Variants in HPS6 observed in about 807,000 individuals in gnomAD.
HPS6 encodes BLOC-2 complex member HPS6.
A neutral mutation model predicts 53.6 loss-of-function variants in HPS6; 46 were observed. The ratio of observed to expected loss-of-function variants is 0.86; its 90% CI spans 0.68 to 1.10. The LOEUF (loss-of-function observed/expected upper bound fraction) is 1.10, where lower values mean the gene tolerates loss of function less well. Among genes scored for constraint, HPS6 ranks in the 50% least tolerant of loss-of-function variants. The probability of loss-of-function intolerance (pLI) is 0.00; values close to 1 mark genes in which losing one functional copy is unlikely to be tolerated. For missense variants in HPS6, 1,034 were observed against 991.3 expected (o/e 1.04, Z -0.58); for synonymous variants, 535 against 470.8 (o/e 1.14, Z -1.77).
At position 102,065,558 on chromosome 10, in the gene HPS6, G is replaced by C; in HGVS notation, c.84G>C (p.Gly28=). ...CGCGGCTCCGGGAGCTGGTGGCCGG[G>C]GACTCAGCGGTCCGAGTCCGTGGCA... The part of the protein sequence containing the change: ...GAARLRELVA[G]DSAVRVRGSP... The change falls in exon 1 of 1, where the codon GGG becomes GGC. Residue 28 remains glycine, a synonymous_variant. Transcript: ENST00000299238. 2 of 1,549,586 alleles carry C rather than the reference G, an allele frequency of 1.3e-6. No individual in the cohort carries two copies. The highest frequency in any genetic ancestry group is 1.7e-6 in the Non-Finnish European group (2 of 1,159,482).
In HPS6 at chr10:102,067,970, A is replaced by C. The variant is rs985769823; in HGVS notation, c.*168A>C. ...GTCCCATGTATGGACCTGTGTATGCAATACTGTTCTGTCATCTGGAGCTAT... is the reference window on the plus strand; with the variant it reads ...GTCCCATGTATGGACCTGTGTATGCCATACTGTTCTGTCATCTGGAGCTAT... On this transcript the variant is annotated 3_prime_UTR_variant, in exon 1 of 1. Coordinates refer to ENST00000299238, the MANE Select transcript of HPS6 (RefSeq NM_024747.6). The C allele has an allele frequency of 2.7e-6, 2 of 747,214 alleles. No homozygotes were observed. Among genetic ancestry groups the C allele is most frequent in the Non-Finnish European group, 4.8e-6 (2 of 417,466 alleles). The allele number at this position is 747,214 out of a possible 1,614,324, so 46.3% of individuals were successfully genotyped here. A position where few individuals can be genotyped will look rare whatever the true frequency, so the allele number is the denominator to read the frequency against.
Position 102,065,699 on chromosome 10 carries a change from G to A in HPS6, c.225G>A (p.Gln75=). ...AELERAWPAG[Q]PSPLDAFFLP... is the part of the protein sequence containing the mutation. ...TAGAGCGGGCCTGGCCGGCCGGCCAGCCCTCCCCGCTGGACGCCTTCTTCC... is the reference window on the plus strand; with the variant it reads ...TAGAGCGGGCCTGGCCGGCCGGCCAACCCTCCCCGCTGGACGCCTTCTTCC... Residue 75 remains glutamine, a synonymous_variant, in exon 1 of 1, where the codon CAG becomes CAA. Transcript: ENST00000299238. The A allele has an allele frequency of 6.6e-7, 1 of 1,512,234 alleles. No homozygotes were observed. The highest frequency in any genetic ancestry group is 2.6e-5 in the East Asian group (1 of 37,848). 93.7% of individuals were successfully genotyped at this position (1,512,234 alleles called of 1,614,324 possible).
chr10:102,066,898 G>C lies in HPS6; in HGVS notation c.1424G>C (p.Gly475Ala). The C allele has an allele frequency of 6.2e-7, 1 of 1,614,234 alleles. No homozygotes were observed. ...LEQLKAQLVA[G>A]DDEEAGWTEL... The stretch of plus-strand genomic sequence containing the variant: ...CAGCTGAAGGCCCAGCTGGTGGCTG[G>C]GGATGATGAGGAGGCTGGTTGGACT... Residue 475 changes from glycine to alanine, a missense_variant, in exon 1 of 1, where the codon GGG (glycine) becomes GCG (alanine). Coordinates refer to ENST00000299238, the MANE Select transcript of HPS6 (RefSeq NM_024747.6).
Position 102,067,243 on chromosome 10 carries a change from A to C in HPS6, c.1769A>C (p.Gln590Pro). 9.8e-6 allele frequency: 12 copies of C among 1,220,110 alleles called. No individual in the cohort carries two copies. Among genetic ancestry groups the C allele is most frequent in the Non-Finnish European group, 1.4e-5 (12 of 854,352 alleles). The allele number at this position is 1,220,110 out of a possible 1,614,324, so 75.6% of individuals were successfully genotyped here. Residue 590 changes from glutamine (Q) to proline (P), a missense_variant, in exon 1 of 1, where the codon CAG (glutamine) becomes CCG (proline). By Grantham distance (76) the Gln-to-Pro change is moderately conservative. Coordinates refer to ENST00000299238, the MANE Select transcript of HPS6 (RefSeq NM_024747.6). ...CCCTTTGTGGAGCTGGCACAGCAGC[A>C]GGGCGGGCCGGGCTGGGGGGCAGGG... is the stretch of plus-strand genomic sequence containing the variant. ...LPPFVELAQQ[Q>P]GGPGWGAGGP...
In HPS6 at chr10:102,065,702, C is replaced by G. The variant is rs1438607024; in HGVS notation, c.228C>G (p.Pro76=). The G allele has an allele frequency of 2.6e-6, 4 of 1,511,228 alleles. No homozygotes were observed. Among genetic ancestry groups the G allele is most frequent in the Non-Finnish European group, 3.5e-6 (4 of 1,138,236 alleles). 93.6% of individuals were successfully genotyped at this position (1,511,228 alleles called of 1,614,324 possible). A position where few individuals can be genotyped will look rare whatever the true frequency, so the allele number is the denominator to read the frequency against. Residue 76 remains proline (P), a synonymous_variant, in exon 1 of 1, where the codon CCC becomes CCG. Transcript: ENST00000299238. ...ELERAWPAGQ[P]SPLDAFFLPW... is the part of the protein sequence containing the mutation. Reference sequence around the variant, plus strand: ...AGCGGGCCTGGCCGGCCGGCCAGCCCTCCCCGCTGGACGCCTTCTTCCTGC... The same window carrying G: ...AGCGGGCCTGGCCGGCCGGCCAGCCGTCCCCGCTGGACGCCTTCTTCCTGC...
chr10:102,065,486 G>A lies in HPS6; in HGVS notation c.12G>A (p.Ser4=), dbSNP rs779765822. 2 of 1,559,836 alleles carry A rather than the reference G, an allele frequency of 1.3e-6. No homozygotes were observed. The highest frequency in any genetic ancestry group is 2.4e-5 in the East Asian group (1 of 41,320). The stretch of plus-strand genomic sequence containing the variant: ...CGCGCAGCGGCGCCATGAAGCGCTC[G>A]GGGACTCTGCGGCTGCTCTCGGACC... MKR[S]GTLRLLSDLS... is the part of the protein sequence containing the mutation. Residue 4 remains serine, a synonymous_variant, in exon 1 of 1, where the codon TCG becomes TCA. Coordinates refer to ENST00000299238, the MANE Select transcript of HPS6 (RefSeq NM_024747.6).
rs1464554514 is a variant in HPS6, at chr10:102,067,827, C to T, written c.*25C>T. ...ACTACCCTTCAGGCATCAGAACACTCAGGGCCTGGAGGCTTGCTTGGGACT... is the reference window on the plus strand; with the variant it reads ...ACTACCCTTCAGGCATCAGAACACTTAGGGCCTGGAGGCTTGCTTGGGACT... On this transcript the variant is annotated 3_prime_UTR_variant, in exon 1 of 1. Transcript: ENST00000299238. The T allele has an allele frequency of 6.2e-7, 1 of 1,612,298 alleles. No individual in the cohort carries two copies.
Position 102,067,956 on chromosome 10 carries a change from G to T in HPS6, c.*154G>T, listed in dbSNP as rs1227631583. The T allele has an allele frequency of 2.4e-6, 2 of 833,972 alleles. No homozygotes were observed. The highest frequency in any genetic ancestry group is 1.7e-5 in the African/African-American group (1 of 59,550). 51.7% of individuals were successfully genotyped at this position (833,972 alleles called of 1,614,324 possible). A position where few individuals can be genotyped will look rare whatever the true frequency, so the allele number is the denominator to read the frequency against. Reference sequence around the variant, plus strand: ...CTGGGACTTGGAGGGTCCCATGTATGGACCTGTGTATGCAATACTGTTCTG... The same window carrying T: ...CTGGGACTTGGAGGGTCCCATGTATTGACCTGTGTATGCAATACTGTTCTG... On this transcript the variant is annotated 3_prime_UTR_variant, in exon 1 of 1. Coordinates refer to ENST00000299238, the MANE Select transcript of HPS6 (RefSeq NM_024747.6).
chr10:102,067,569 C>T lies in HPS6; in HGVS notation c.2095C>T (p.Leu699=). 6.2e-7 allele frequency: 1 copy of T among 1,613,768 alleles called. No homozygotes were observed. The highest frequency in any genetic ancestry group is 8.5e-7 in the Non-Finnish European group (1 of 1,180,030). Residue 699 remains leucine, a synonymous_variant, in exon 1 of 1, where the codon CTG becomes TTG. Transcript: ENST00000299238. ...PLLCRLCPPE[L]APAELLLLLR... is the part of the protein sequence containing the mutation. The stretch of plus-strand genomic sequence containing the variant: ...CCTTTGCCGCCTGTGCCCACCAGAA[C>T]TGGCTCCAGCTGAGCTCCTGCTTCT...
Position 102,066,863 on chromosome 10 carries a change from A to G in HPS6, c.1389A>G (p.Arg463=). 6.2e-7 allele frequency: 1 copy of G among 1,614,218 alleles called. No individual in the cohort carries two copies. The change falls in exon 1 of 1, where the codon CGA becomes CGG. Residue 463 remains arginine (R), a synonymous_variant. Transcript: ENST00000299238. ...TGAGGACCGAGCTTCGGGATTACCG[A>G]GGCTTAGAACAGCTGAAGGCCCAGC... is the stretch of plus-strand genomic sequence containing the variant. The part of the protein sequence containing the change: ...TMLRTELRDY[R]GLEQLKAQLV...
In HPS6 at chr10:102,066,766, C is replaced by A; in HGVS notation, c.1292C>A (p.Thr431Lys). Reference protein sequence around the residue: ...LTPEELRHSSTFRAPQALASI... With the variant: ...LTPEELRHSSKFRAPQALASI... Reference sequence around the variant, plus strand: ...CCAGAAGAACTGAGACACAGCAGCACATTCCGGGCACCTCAGGCTCTGGCC... The same window carrying A: ...CCAGAAGAACTGAGACACAGCAGCAAATTCCGGGCACCTCAGGCTCTGGCC... Residue 431 changes from threonine to lysine, a missense_variant, in exon 1 of 1, where the codon ACA (threonine) becomes AAA (lysine). Transcript: ENST00000299238. 6.2e-7 allele frequency: 1 copy of A among 1,614,188 alleles called. No homozygotes were observed. The highest frequency in any genetic ancestry group is 8.5e-7 in the Non-Finnish European group (1 of 1,180,038).
Position 102,067,682 on chromosome 10 carries a change from C to A in HPS6, c.2208C>A (p.Leu736=). ...GAEPPLTVGL[L]KALLEQTGAQ... ...AGCCCCCTCTCACTGTGGGCTTGCTCAAAGCCCTGCTGGAGCAGACTGGGG... is the reference window on the plus strand; with the variant it reads ...AGCCCCCTCTCACTGTGGGCTTGCTAAAAGCCCTGCTGGAGCAGACTGGGG... Residue 736 remains leucine, a synonymous_variant, in exon 1 of 1, where the codon CTC becomes CTA. Coordinates refer to ENST00000299238, the MANE Select transcript of HPS6 (RefSeq NM_024747.6). 6.2e-7 allele frequency: 1 copy of A among 1,613,884 alleles called. No individual in the cohort carries two copies. The highest frequency in any genetic ancestry group is 1.1e-5 in the South Asian group (1 of 91,088).
chr10:102,067,009 C>T lies in HPS6; in HGVS notation c.1535C>T (p.Ala512Val). 6.2e-7 allele frequency: 1 copy of T among 1,614,206 alleles called. No individual in the cohort carries two copies. The highest frequency in any genetic ancestry group is 8.5e-7 in the Non-Finnish European group (1 of 1,180,038). ...GCCCAGCTCAACACCGTTTTCCAAG[C>T]CCTTCCTACAGCAGCCTGGGGTGCC... Reference protein sequence around the residue: ...QLAQLNTVFQALPTAAWGATL... With the variant: ...QLAQLNTVFQVLPTAAWGATL... Residue 512 changes from alanine (A) to valine (V), a missense_variant, in exon 1 of 1, where the codon GCC becomes GTC. Transcript: ENST00000299238.
chr10:102,067,397 G>A lies in HPS6; in HGVS notation c.1923G>A (p.Gly641=), dbSNP rs755522630. The A allele has an allele frequency of 2.5e-6, 4 of 1,612,816 alleles. No individual in the cohort carries two copies. In the South Asian group the frequency reaches 3.3e-5, roughly 13 times the overall value. The change falls in exon 1 of 1, where the codon GGG becomes GGA. Residue 641 remains glycine (G), a synonymous_variant. Coordinates refer to ENST00000299238, the MANE Select transcript of HPS6 (RefSeq NM_024747.6). ...CTAAAGCTGTGCTCCAAGCTGTCGG[G>A]CAGCTGGTGCAAAAGGAACAATGGG... ...GRPKAVLQAV[G]QLVQKEQWDR...
rs750684256 is a variant in HPS6, at chr10:102,066,296, C to T, written c.822C>T (p.Ala274=). The change falls in exon 1 of 1, where the codon GCC becomes GCT. Residue 274 remains alanine (A), a synonymous_variant. Coordinates refer to ENST00000299238, the MANE Select transcript of HPS6 (RefSeq NM_024747.6). The part of the protein sequence containing the change: ...PREPLAVHTW[A]PTPQGLLLLD... ...AGCCACTGGCTGTACACACCTGGGC[C>T]CCAACTCCCCAGGGCCTGCTGTTGC... is the stretch of plus-strand genomic sequence containing the variant. 1.2e-6 allele frequency: 2 copies of T among 1,614,028 alleles called. No homozygotes were observed. Among genetic ancestry groups the T allele is most frequent in the Non-Finnish European group, 1.7e-6 (2 of 1,180,020 alleles).
rs139679441 is a variant in HPS6 at position 102,066,931 on chromosome 10, C to G, written c.1457C>G (p.Ala486Gly). 8.1e-6 allele frequency: 13 copies of G among 1,614,152 alleles called. No individual in the cohort carries two copies. Among genetic ancestry groups the G allele is most frequent in the Non-Finnish European group, 1.0e-5 (12 of 1,180,024 alleles). Residue 486 changes from alanine (A) to glycine (G), a missense_variant, in exon 1 of 1, where the codon GCG becomes GGG. By Grantham distance (60) the Ala-to-Gly change is moderately conservative (BLOSUM62 0). Transcript: ENST00000299238. Reference sequence around the variant, plus strand: ...GAGGAGGCTGGTTGGACTGAGCTGGCGGAGCAGGAAGTGGCACGCCTGCTG... The same window carrying G: ...GAGGAGGCTGGTTGGACTGAGCTGGGGGAGCAGGAAGTGGCACGCCTGCTG... The part of the protein sequence containing the change: ...DDEEAGWTEL[A>G]EQEVARLLRT...
Position 102,065,402 on chromosome 10 carries a change from C to T in HPS6, c.-73C>T. ...AAGTCTTGGCCCTGCTCCGCTCCCC[C>T]GAGAATCGGGCCTCGCCCTGCTGGG... On this transcript the variant is annotated 5_prime_UTR_variant, in exon 1 of 1. Coordinates refer to ENST00000299238, the MANE Select transcript of HPS6 (RefSeq NM_024747.6). 6.9e-7 allele frequency: 1 copy of T among 1,452,232 alleles called. No homozygotes were observed. 90.0% of individuals were successfully genotyped at this position (1,452,232 alleles called of 1,614,324 possible). A position where few individuals can be genotyped will look rare whatever the true frequency, so the allele number is the denominator to read the frequency against.
chr10:102,065,682 G>C lies in HPS6; in HGVS notation c.208G>C (p.Ala70Pro). The part of the protein sequence containing the change: ...SRGPGAELER[A>P]WPAGQPSPLD... ...AGGGCCCGGCGCGGAGCTAGAGCGG[G>C]CCTGGCCGGCCGGCCAGCCCTCCCC... The change falls in exon 1 of 1, where the codon GCC becomes CCC. Residue 70 changes from alanine to proline, a missense_variant. Transcript: ENST00000299238. The C allele has an allele frequency of 6.6e-7, 1 of 1,522,570 alleles. No individual in the cohort carries two copies. The highest frequency in any genetic ancestry group is 8.7e-7 in the Non-Finnish European group (1 of 1,144,812). 94.3% of individuals were successfully genotyped at this position (1,522,570 alleles called of 1,614,324 possible).
In HPS6 at chr10:102,065,628, GT is replaced by G. The variant is rs1590262450; in HGVS notation, c.155del (p.Val52GlufsTer6). The G allele has an allele frequency of 6.4e-7, 1 of 1,552,930 alleles. No homozygotes were observed. The highest frequency in any genetic ancestry group is 2.5e-5 in the East Asian group (1 of 40,720). ...GCTGCTCCTGCGACCCCCTGGGGCGGTAGCCCCACAGCTGCTAGTCGCGTCG... is the reference window on the plus strand; with the variant it reads ...GCTGCTCCTGCGACCCCCTGGGGCGGAGCCCCACAGCTGCTAGTCGCGTCG... Reference protein sequence around the residue: ...HLLLLRPPGAVAPQLLVASRG... With the variant: ...HLLLLRPPGAXAPQLLVASRG... On this transcript the variant is annotated frameshift_variant, in exon 1 of 1. Transcript: ENST00000299238. LOFTEE classifies it high-confidence loss of function.
Sources: gnomAD v4.1 joint callset for allele counts on GRCh38, gnomAD v4.1.1 for gene constraint, MANE v1.5 for transcripts, NCBI Gene and HGNC (gene_info 2026-07-23, HGNC 2026-07-21) for gene names.